Variants in CDH7 observed in about 807,000 individuals in gnomAD.
CDH7 encodes the protein cadherin 7.
A neutral mutation model predicts 71.8 loss-of-function variants in CDH7; 25 were observed. The ratio of observed to expected loss-of-function variants is 0.35; its 90% CI spans 0.25 to 0.49. The LOEUF (loss-of-function observed/expected upper bound fraction) is 0.49. Among genes scored for constraint, CDH7 ranks in the 20% least tolerant of loss-of-function variants. The probability of loss-of-function intolerance (pLI) is 0.99; values close to 1 mark genes in which losing one functional copy is unlikely to be tolerated. For missense variants in CDH7, 862 were observed against 974.6 expected (o/e 0.88, Z 1.54); for synonymous variants, 381 against 363.8 (o/e 1.05, Z -0.54).
chr18:65,864,719 T>A (rs1375235438), intron 11 of CDH7, among the ~76,000 whole-genome samples: 1 of 150,868 alleles, frequency 6.6e-6, no homozygotes, highest in Non-Finnish European at 1.5e-5. Flanking sequence ...AAACCCTGTC[T>A]CTACTAAAAA....
intron 2 of CDH7, among the ~76,000 whole-genome samples, chr18:65,789,481 T>TTTTTTG (rs557881609): frequency 3.3e-5 from 5 of 151,678 alleles, no homozygotes; most frequent in African/African-American, 1.2e-4. Context: ...GTTTGTTTTT[T>TTTTTTG]TTTGTTTGTT....
chr18:65,829,336 T>A (rs998227982), intron 6 of CDH7, among the ~76,000 whole-genome samples: 1 of 152,086 alleles, frequency 6.6e-6, no homozygotes, highest in Non-Finnish European at 1.5e-5. Flanking sequence ...GCCAGGATGG[T>A]CTCGATCTCC....
Position 65,844,075 on chromosome 18 carries a change from C to T in CDH7, c.1235+10C>T, listed in dbSNP as rs1568215705. ...CCAATAGCCCTGTGAGGTAAAAACT[C>T]ATTGTTGTCCTTTTCTATGGTTTTA... is the stretch of plus-strand genomic sequence containing the variant. On this transcript the variant is annotated intron_variant, in intron 7 of 11. Coordinates refer to ENST00000397968, the MANE Select transcript of CDH7 (RefSeq NM_004361.5). 1.7e-5 allele frequency: 28 copies of T among 1,609,054 alleles called. No homozygotes were observed. Among genetic ancestry groups the T allele is most frequent in the Non-Finnish European group, 2.4e-5 (28 of 1,177,588 alleles).
At chr18:65,869,007 A>G (rs1301829348) in intron 11 of CDH7, among the ~76,000 whole-genome samples, 2 of 152,162 alleles carry the variant, frequency 1.3e-5, no homozygotes, top group Non-Finnish European at 2.9e-5. Context: ...AAATCTCCAG[A>G]GAAACATCAA....
chr18:65,831,396 C>G (rs936421446), intron 6 of CDH7, among the ~76,000 whole-genome samples: 3 of 152,140 alleles, frequency 2.0e-5, no homozygotes, highest in Non-Finnish European at 4.4e-5. Context: ...ACCGCCAAAT[C>G]CAAGTGTCTT....
At chr18:65,778,711 A>C (rs1240219579) in intron 2 of CDH7, among the ~76,000 whole-genome samples, 1 of 150,246 alleles carries the variant, frequency 6.7e-6, no homozygotes, top group East Asian at 1.9e-4. Context: ...AGTTTATTTC[A>C]TAATAAATAA....
At chr18:65,837,974 G>C (rs955505163) in intron 6 of CDH7, among the ~76,000 whole-genome samples, 6 of 149,000 alleles carry the variant, frequency 4.0e-5, no homozygotes, top group Non-Finnish European at 8.9e-5. Context: ...GCCCGGGCTG[G>C]AGTGCAGTGG....
In CDH7 at chr18:65,762,648, T is replaced by C. The variant is rs987850713; in HGVS notation, c.-195T>C. ...CAGCTCTTCTCTTTGTTCTGATAGGTACTTACTACACCATTCTTTGGCGAA... is the reference window on the plus strand; with the variant it reads ...CAGCTCTTCTCTTTGTTCTGATAGGCACTTACTACACCATTCTTTGGCGAA... On this transcript the variant is annotated splice_region_variant and 5_prime_UTR_variant, in exon 2 of 12. Transcript: ENST00000397968. 1.1e-5 allele frequency: 6 copies of C among 557,484 alleles called. No homozygotes were observed. Among genetic ancestry groups the C allele is most frequent in the African/African-American group, 1.9e-5 (1 of 53,098 alleles). 34.5% of individuals were successfully genotyped at this position (557,484 alleles called of 1,614,324 possible).
chr18:65,862,482 T>C (rs1913599451), intron 10 of CDH7, among the ~76,000 whole-genome samples, 184 bp from the exon 11 acceptor site: 1 of 152,230 alleles, frequency 6.6e-6, no homozygotes, highest in African/African-American at 2.4e-5. Context: ...AAATGTCTTA[T>C]AATGTATTAA....
At chr18:65,787,827 A>T (rs889434646) in intron 2 of CDH7, among the ~76,000 whole-genome samples, 20 of 152,336 alleles carry the variant, frequency 1.3e-4, no homozygotes, top group African/African-American at 4.6e-4. Context: ...ATTTTTAAGT[A>T]GTCTGAGCCT....
At chr18:65,830,728 T>TC (rs1912318826) in intron 6 of CDH7, among the ~76,000 whole-genome samples, 3 of 145,988 alleles carry the variant, frequency 2.1e-5, no homozygotes, top group African/African-American at 7.5e-5. Flanking sequence ...TCTCTCTCTC[T>TC]TTCTTTCTTT....
chr18:65,781,996 TTCTC>T (rs1419972930), intron 2 of CDH7, among the ~76,000 whole-genome samples: 8 of 74,904 alleles, frequency 1.1e-4, no homozygotes, highest in African/African-American at 2.0e-4. Context: ...CTTTCTCTCT[TTCTC>T]TCTTTCTCTC....
rs777586300 is a variant in CDH7, at chr18:65,857,346, TAATAATAATAATAATAAA to T, written c.1236-468_1236-451del. Among the ~76,000 whole-genome samples, 650 of 146,124 alleles carry T rather than the reference TAATAATAATAATAATAAA, an allele frequency of 4.4e-3. 5 individuals are homozygous for T. Among genetic ancestry groups the T allele is most frequent in the African/African-American group, 0.015 (607 of 40,006 alleles). On this transcript the variant is annotated intron_variant, in intron 7 of 11. Transcript: ENST00000397968. ...ATAATAATAATAATAATAATAATAA[TAATAATAATAATAATAAA>T]ATAGCCAAATATGGTGGTGCATGCC...
intron 6 of CDH7, among the ~76,000 whole-genome samples, chr18:65,842,630 A>G (rs1447675729): frequency 6.6e-6 from 1 of 151,996 alleles, no homozygotes; most frequent in Non-Finnish European, 1.5e-5. Flanking sequence ...GTATACTTAT[A>G]TAACTATTGT....
At chr18:65,867,096 T>C (rs2930557) in intron 11 of CDH7, among the ~76,000 whole-genome samples, 114,365 of 149,520 alleles carry the variant, frequency 0.76, 43,928 homozygotes, top group East Asian at 0.93. Context: ...AGTGCAGTGG[T>C]GCAATCTCGA....
chr18:65,851,530 C>G (rs1913150603), intron 7 of CDH7, among the ~76,000 whole-genome samples: 1 of 152,140 alleles, frequency 6.6e-6, no homozygotes, highest in Non-Finnish European at 1.5e-5. Flanking sequence ...TTTAATTGAT[C>G]TCTTTAGCTC....
At chr18:65,788,346 A>G (rs1056925667) in intron 2 of CDH7, among the ~76,000 whole-genome samples, 3 of 152,188 alleles carry the variant, frequency 2.0e-5, no homozygotes, top group African/African-American at 7.2e-5. Flanking sequence ...GGTCATCATC[A>G]CTGAAATAGT....
Position 65,883,621 on chromosome 18 carries a change from T to C in CDH7, c.*2727T>C, listed in dbSNP as rs1280854814. 6.6e-6 allele frequency: 1 copy of C among 152,060 alleles called. No individual in the cohort carries two copies. Among genetic ancestry groups the C allele is most frequent in the Non-Finnish European group, 1.5e-5 (1 of 67,944 alleles). 9.4% of individuals were successfully genotyped at this position (152,060 alleles called of 1,614,324 possible). A position where few individuals can be genotyped will look rare whatever the true frequency, so the allele number is the denominator to read the frequency against. On this transcript the variant is annotated 3_prime_UTR_variant, in exon 12 of 12. Transcript: ENST00000397968. ...CCCAACTCCAGGTACAGTGATATCATTTTGGTAGGTTGATGTCAGCCTTGG... is the reference window on the plus strand; with the variant it reads ...CCCAACTCCAGGTACAGTGATATCACTTTGGTAGGTTGATGTCAGCCTTGG...
intron 1 of CDH7, among the ~76,000 whole-genome samples, chr18:65,752,584 A>G (rs920741067): frequency 2.0e-5 from 3 of 152,232 alleles, no homozygotes; most frequent in Non-Finnish European, 4.4e-5. Context: ...ATGCATGAAG[A>G]ATCCTTTTCT....
Sources: gnomAD v4.1 joint callset for allele counts (sites outside exome capture counted in the v4.1 genomes callset) on GRCh38, gnomAD v4.1.1 for gene constraint, MANE v1.5 for transcripts, NCBI Gene and HGNC (gene_info 2026-07-23, HGNC 2026-07-21) for gene names.